The following DHX35 variants were observed in gnomAD, a reference collection of about 807,000 sequenced individuals.
The protein encoded by DHX35 is probable ATP-dependent RNA helicase DHX35.
Under a neutral mutation model 99.6 loss-of-function variants are expected in DHX35, and 84 were observed. The observed-to-expected ratio is 0.84, with a 90% CI of 0.71 to 1.01. DHX35 has a LOEUF of 1.01. Among genes scored for constraint, DHX35 ranks in the 50% least tolerant of loss-of-function variants. DHX35 has a pLI of 0.00. For missense variants in DHX35, 852 were observed against 888.5 expected (o/e 0.96, Z 0.52); for synonymous variants, 331 against 316.2 (o/e 1.05, Z -0.50).
intron 3 of DHX35, among the ~76,000 whole-genome samples, chr20:38,979,734 A>G (rs186164185): frequency 1.3e-5 from 2 of 152,232 alleles, no homozygotes; most frequent in Admixed American, 6.5e-5. Flanking sequence ...TGTTAGATTT[A>G]TATAGTACCT....
At chr20:39,010,427 G>T in intron 13 of DHX35, 23 bp downstream of exon 13, 1 of 1,612,736 alleles carries the variant, frequency 6.2e-7, no homozygotes, top group Non-Finnish European at 8.5e-7. Flanking sequence ...TGCTGTCTGG[G>T]GCCATAGGGA....
At chr20:39,022,274 C>G (rs1249648919) in intron 16 of DHX35, among the ~76,000 whole-genome samples, 2 of 152,106 alleles carry the variant, frequency 1.3e-5, no homozygotes, top group Non-Finnish European at 2.9e-5. Context: ...AAGTGATGCT[C>G]CTGCCTCCCA....
At chr20:39,022,866 G>A (rs1267832241) in intron 16 of DHX35, among the ~76,000 whole-genome samples, 2 of 152,224 alleles carry the variant, frequency 1.3e-5, no homozygotes, top group African/African-American at 4.8e-5. Context: ...GTTGATAGAG[G>A]TAGGTCAGAG....
At chr20:38,988,095 C>T (rs1190382115) in intron 4 of DHX35, among the ~76,000 whole-genome samples, 9 of 152,112 alleles carry the variant, frequency 5.9e-5, no homozygotes, top group African/African-American at 2.2e-4. Flanking sequence ...CAGGGTGAAT[C>T]TTGTCATTTC....
chr20:39,001,633 C>T (rs1699013439), intron 8 of DHX35, 97 bp from the exon 9 acceptor site: 1 of 874,664 alleles, frequency 1.1e-6, no homozygotes, highest in Admixed American at 2.4e-5. Flanking sequence ...TTGCTACTCA[C>T]CTGTCTTTGG....
At chr20:39,037,631 T>G (rs759192702) in intron 21 of DHX35, among the ~76,000 whole-genome samples, 12 of 152,186 alleles carry the variant, frequency 7.9e-5, no homozygotes, top group Non-Finnish European at 1.8e-4. Context: ...AGGGTGGGCA[T>G]TCTCATGTGA....
intron 3 of DHX35, among the ~76,000 whole-genome samples, chr20:38,983,212 C>G (rs2086200311): frequency 6.6e-6 from 1 of 152,178 alleles, no homozygotes; most frequent in Non-Finnish European, 1.5e-5. Flanking sequence ...AGCCGCCGTG[C>G]CTGTTCAATC....
At chr20:38,978,867 T>C (rs1470867914) in intron 3 of DHX35, among the ~76,000 whole-genome samples, 1 of 152,244 alleles carries the variant, frequency 6.6e-6, no homozygotes, top group Non-Finnish European at 1.5e-5. Flanking sequence ...TTGATTTTTA[T>C]ATGTGGTGAG....
Position 39,004,211 on chromosome 20 carries a change from C to T in DHX35, c.1011+304C>T, listed in dbSNP as rs554420272. 1.8e-3 allele frequency among the ~76,000 whole-genome samples: 281 copies of T among 152,190 alleles called. 1 individual carries two copies. Among genetic ancestry groups the T allele is most frequent in the Non-Finnish European group, 3.2e-3 (215 of 68,000 alleles). On this transcript the variant is annotated intron_variant, in intron 11 of 21. Coordinates refer to ENST00000252011, the MANE Select transcript of DHX35 (RefSeq NM_021931.4). ...CTGAGTAGCTGGGACTACAGGCGCC[C>T]GCCACCACACCCGGCTAATTTTTTT... is the stretch of plus-strand genomic sequence containing the variant.
At position 38,962,379 on chromosome 20, in the gene DHX35, C is replaced by T. The variant is rs368443589; in HGVS notation, c.12C>T (p.Pro4=). The change falls in exon 1 of 22, where the codon CCC becomes CCT. Residue 4 remains proline, a synonymous_variant. Coordinates refer to ENST00000252011, the MANE Select transcript of DHX35 (RefSeq NM_021931.4). MAA[P]VGPVKFWRPG... ...CCTTTTACCCCAACATGGCTGCGCC[C>T]GTGGGACCGGTGAAGTTCTGGCGAC... The T allele has an allele frequency of 6.2e-6, 10 of 1,612,702 alleles. No individual in the cohort carries two copies. The highest frequency in any genetic ancestry group is 1.6e-4 in the Middle Eastern group (1 of 6,084).
rs943801149 is a variant in DHX35, at chr20:38,994,285, GA to G, written c.583-527del. On this transcript the variant is annotated intron_variant, in intron 7 of 21. Coordinates refer to ENST00000252011, the MANE Select transcript of DHX35 (RefSeq NM_021931.4). The stretch of plus-strand genomic sequence containing the variant: ...AATCCTTGCCAATGGGATAGATGGG[GA>G]AAAAAAAATCTCATTGTTATTATAT... Among the ~76,000 whole-genome samples, 25 of 150,572 alleles carry G rather than the reference GA, an allele frequency of 1.7e-4. No individual in the cohort carries two copies. The East Asian group carries it at 2.7e-3, about 16-fold the overall frequency.
chr20:39,023,702 C>A lies in DHX35; in HGVS notation c.1606C>A (p.Arg536Ser). The change falls in exon 17 of 22, where the codon CGT (arginine) becomes AGT (serine). Residue 536 changes from arginine to serine, a missense_variant. Physicochemically the swap from Arg to Ser is moderately radical, Grantham distance 110 (BLOSUM62 -1). Coordinates refer to ENST00000252011, the MANE Select transcript of DHX35 (RefSeq NM_021931.4). ...NQKSHAIRVH[R>S]KFAVEEGDHL... ...TCATTCTTTCCAGATTCGAGTGCAC[C>A]GTAAATTTGCTGTGGAGGAGGGCGA... is the stretch of plus-strand genomic sequence containing the variant. 1 of 1,613,914 alleles carries A rather than the reference C, an allele frequency of 6.2e-7. No homozygotes were observed. Among genetic ancestry groups the A allele is most frequent in the Non-Finnish European group, 8.5e-7 (1 of 1,179,888 alleles).
chr20:38,969,901 G>A (rs2085967849), intron 2 of DHX35, among the ~76,000 whole-genome samples: 1 of 152,222 alleles, frequency 6.6e-6, no homozygotes, highest in African/African-American at 2.4e-5. Flanking sequence ...TTGTAATCAG[G>A]AAGTACAGAG....
rs1427263449 is a variant in DHX35, at chr20:38,981,457, TTTA to T, written c.268-2239_268-2237del. On this transcript the variant is annotated intron_variant, in intron 3 of 21. Coordinates refer to ENST00000252011, the MANE Select transcript of DHX35 (RefSeq NM_021931.4). ...GTGTTAAAGCCCAATACTGTCATTA[TTTA>T]TTGTGTTGCTCAGATTGTTTCATCT... Among the ~76,000 whole-genome samples, 4 of 152,354 alleles carry T rather than the reference TTTA, an allele frequency of 2.6e-5. No individual in the cohort carries two copies. In the East Asian group the frequency reaches 7.7e-4, roughly 29 times the overall value.
intron 8 of DHX35, among the ~76,000 whole-genome samples, chr20:38,998,527 A>G (rs2086466525): frequency 6.6e-6 from 1 of 151,998 alleles, no homozygotes; most frequent in Non-Finnish European, 1.5e-5. Context: ...TTTACATTCC[A>G]TTTCATAGAC....
At chr20:39,025,964 C>T (rs1041938190) in intron 18 of DHX35, among the ~76,000 whole-genome samples, 16 of 152,028 alleles carry the variant, frequency 1.1e-4, no homozygotes, top group African/African-American at 2.7e-4. Context: ...TACAATTAGT[C>T]GTAAGATCCT....
Position 39,001,723 on chromosome 20 carries a change from T to G in DHX35, c.643-7T>G. On this transcript the variant is annotated splice_polypyrimidine_tract_variant and splice_region_variant and intron_variant, in intron 8 of 21. Coordinates refer to ENST00000252011, the MANE Select transcript of DHX35 (RefSeq NM_021931.4). ...GAGAAATGAAGAATTAATTTTTTTC[T>G]TTTTAGAAATTCCGGGATTTCTTTA... 1 of 1,595,342 alleles carries G rather than the reference T, an allele frequency of 6.3e-7. No homozygotes were observed. Among genetic ancestry groups the G allele is most frequent in the South Asian group, 1.1e-5 (1 of 87,280 alleles).
At chr20:39,013,384 CAATG>C (rs1568748232) in intron 13 of DHX35, among the ~76,000 whole-genome samples, 1 of 152,072 alleles carries the variant, frequency 6.6e-6, no homozygotes, top group African/African-American at 2.4e-5. Flanking sequence ...GTGCAAGAAA[CAATG>C]AAAACAGAAA....
At chr20:39,012,787 T>C (rs1779370087) in intron 13 of DHX35, among the ~76,000 whole-genome samples, 1 of 152,242 alleles carries the variant, frequency 6.6e-6, no homozygotes. Context: ...CACCTTGGCC[T>C]CCCAAAGTGC....
Sources: allele counts gnomAD v4.1 joint callset (sites outside exome capture counted in the v4.1 genomes callset), GRCh38; gene constraint gnomAD v4.1.1; transcripts MANE v1.5; gene names NCBI Gene and HGNC (gene_info 2026-07-23, HGNC 2026-07-21).